ADAMTS20: variants seen among roughly 807,000 people sequenced by gnomAD.
ADAMTS20 encodes the protein ADAM metallopeptidase with thrombospondin type 1 motif 20, also known as A disintegrin and metalloproteinase with thrombospondin motifs 20.
ADAMTS20 carries 225 observed loss-of-function variants against 260.1 expected under a neutral mutation model. That is an observed-to-expected ratio of 0.87 (90% CI 0.78 to 0.97). ADAMTS20 has a LOEUF of 0.97. ADAMTS20 is among the 50% of genes least tolerant of loss of function. ADAMTS20 has a pLI of 0.00. For synonymous variants in ADAMTS20, 802 were observed against 769.5 expected (o/e 1.04, Z -0.70); for missense variants, 2,400 against 2,337.7 (o/e 1.03, Z -0.55).
intron 19 of ADAMTS20, chr12:43,433,689 C>A: frequency 2.8e-6 from 1 of 352,144 alleles, no homozygotes; most frequent in Non-Finnish European, 5.3e-6. Flanking sequence ...CGCACACACA[C>A]ACATGCACAC....
rs1941295536 is a variant in ADAMTS20 at position 43,424,617 on chromosome 12, G to T, written c.4284+897C>A. The stretch of plus-strand genomic sequence containing the variant: ...ACTATTTGGTTTTTGGAGCAGTTAT[G>T]GATATTAACAGATGAAAGCCACACA... On this transcript the variant is annotated intron_variant, in intron 28 of 38. Transcript: ENST00000389420. Among the ~76,000 whole-genome samples the T allele has an allele frequency of 2.6e-5, 4 of 152,006 alleles. 1 individual carries two copies. The South Asian group carries it at 8.3e-4, about 31-fold the overall frequency.
chr12:43,463,485 A>G (rs1408452051), intron 10 of ADAMTS20, among the ~76,000 whole-genome samples: 7 of 152,160 alleles, frequency 4.6e-5, no homozygotes, highest in Admixed American at 4.6e-4. Context: ...AAGGTTTCGA[A>G]AGAAACAAAA....
chr12:43,453,659 A>C (rs778387787), intron 12 of ADAMTS20, among the ~76,000 whole-genome samples: 8 of 152,166 alleles, frequency 5.3e-5, no homozygotes, highest in Non-Finnish European at 1.2e-4. Flanking sequence ...TTTATACTAA[A>C]TTAAAAAACA....
chr12:43,539,944 A>G, intron 2 of ADAMTS20, among the ~76,000 whole-genome samples: 1 of 150,694 alleles, frequency 6.6e-6, no homozygotes, highest in East Asian at 2.0e-4. Flanking sequence ...GTGCAGTGGC[A>G]CGATCTCAGC....
chr12:43,537,260 G>A (rs1309576729), intron 2 of ADAMTS20, among the ~76,000 whole-genome samples: 1 of 151,302 alleles, frequency 6.6e-6, no homozygotes, highest in Non-Finnish European at 1.5e-5. Context: ...TCACTATGTT[G>A]CCCAGGCTGG....
chr12:43,467,589 C>T (rs1368545194), intron 8 of ADAMTS20, among the ~76,000 whole-genome samples: 1 of 152,008 alleles, frequency 6.6e-6, no homozygotes, highest in Non-Finnish European at 1.5e-5. Context: ...CTGCAAAAAT[C>T]GTCTTCTACT....
At chr12:43,527,803 C>T (rs1350512752) in intron 3 of ADAMTS20, among the ~76,000 whole-genome samples, 3 of 152,022 alleles carry the variant, frequency 2.0e-5, no homozygotes, top group South Asian at 2.1e-4. Flanking sequence ...ACTTTTACCA[C>T]TTCTACTCAA....
At chr12:43,399,961 G>T (rs1210198214) in intron 28 of ADAMTS20, among the ~76,000 whole-genome samples, 2 of 151,856 alleles carry the variant, frequency 1.3e-5, no homozygotes, top group African/African-American at 4.8e-5. Flanking sequence ...CTTATAGCTG[G>T]GTGACTTTAG....
At position 43,443,884 on chromosome 12, in the gene ADAMTS20, C is replaced by T; in HGVS notation, c.2198-1G>A. On this transcript the variant is annotated splice_acceptor_variant, in intron 15 of 38. Transcript: ENST00000389420. LOFTEE classifies it high-confidence loss of function. ...GGAATCTTTACAACAACATTATAACCTGCAATATAATTTTACATATGTTAA... is the reference window on the plus strand; with the variant it reads ...GGAATCTTTACAACAACATTATAACTTGCAATATAATTTTACATATGTTAA... 1.9e-6 allele frequency: 3 copies of T among 1,611,172 alleles called. No homozygotes were observed. Among genetic ancestry groups the T allele is most frequent in the Non-Finnish European group, 2.5e-6 (3 of 1,177,758 alleles).
intron 11 of ADAMTS20, among the ~76,000 whole-genome samples, chr12:43,454,960 T>C (rs1468299683): frequency 6.6e-6 from 1 of 152,208 alleles, no homozygotes; most frequent in African/African-American, 2.4e-5. Flanking sequence ...AGTTCAATAG[T>C]GTTAGGTATA....
At chr12:43,455,528 C>T (rs1361118856) in intron 11 of ADAMTS20, among the ~76,000 whole-genome samples, 2 of 152,096 alleles carry the variant, frequency 1.3e-5, no homozygotes, top group Non-Finnish European at 2.9e-5. Flanking sequence ...ATTAAACCCA[C>T]CGGTGAGGGA....
intron 3 of ADAMTS20, among the ~76,000 whole-genome samples, chr12:43,528,735 A>G (rs1943181429): frequency 6.6e-6 from 1 of 152,106 alleles, no homozygotes; most frequent in African/African-American, 2.4e-5. Flanking sequence ...ACTCTTCTGG[A>G]CATTGGCCTA....
chr12:43,367,687 C>T (rs1034991189), intron 37 of ADAMTS20, among the ~76,000 whole-genome samples: 2 of 151,890 alleles, frequency 1.3e-5, no homozygotes, highest in African/African-American at 2.4e-5. Context: ...AGATGTAGTC[C>T]GCACAATAAA....
Position 43,376,037 on chromosome 12 carries a change from G to A in ADAMTS20, c.5312+20C>T. On this transcript the variant is annotated intron_variant, in intron 35 of 38. Coordinates refer to ENST00000389420, the MANE Select transcript of ADAMTS20 (RefSeq NM_025003.5). ...GGAGGACCATGAAAATGCTCAGATAGACCAAAACACATCTCGTACCTAAAG... is the reference window on the plus strand; with the variant it reads ...GGAGGACCATGAAAATGCTCAGATAAACCAAAACACATCTCGTACCTAAAG... 1 of 1,572,156 alleles carries A rather than the reference G, an allele frequency of 6.4e-7. No individual in the cohort carries two copies. The highest frequency in any genetic ancestry group is 8.6e-7 in the Non-Finnish European group (1 of 1,157,822).
At chr12:43,421,000 G>T (rs1941222351) in intron 28 of ADAMTS20, among the ~76,000 whole-genome samples, 4 of 150,692 alleles carry the variant, frequency 2.7e-5, no homozygotes, top group South Asian at 2.1e-4. Context: ...TAGAGACGGG[G>T]GTTTCACCAT....
chr12:43,404,220 A>C (rs556379530), intron 28 of ADAMTS20, among the ~76,000 whole-genome samples: 65 of 117,070 alleles, frequency 5.6e-4, no homozygotes, highest in African/African-American at 1.8e-3. Context: ...CACACACACA[A>C]ATAGAAAGCA....
chr12:43,503,471 TAAGA>T lies in ADAMTS20; in HGVS notation c.614-1070_614-1067del, dbSNP rs914584807. 7.2e-5 allele frequency among the ~76,000 whole-genome samples: 11 copies of T among 152,142 alleles called. 1 individual carries two copies. Among genetic ancestry groups the T allele is most frequent in the African/African-American group, 9.6e-5 (4 of 41,452 alleles). On this transcript the variant is annotated intron_variant, in intron 3 of 38. Coordinates refer to ENST00000389420, the MANE Select transcript of ADAMTS20 (RefSeq NM_025003.5). ...AAGTACGAATGTAATCCTATGGCTG[TAAGA>T]AAGAAACAGAACACTTTAGACATTA...
chr12:43,387,062 G>T (rs1399098960), intron 29 of ADAMTS20, among the ~76,000 whole-genome samples: 1 of 152,178 alleles, frequency 6.6e-6, no homozygotes, highest in African/African-American at 2.4e-5. Context: ...TGCAGGAGAA[G>T]AGGCATTCTG....
intron 38 of ADAMTS20, among the ~76,000 whole-genome samples, chr12:43,355,351 A>G (rs1939722305): frequency 6.6e-6 from 1 of 152,204 alleles, no homozygotes; most frequent in Non-Finnish European, 1.5e-5. Flanking sequence ...GGATTTTACC[A>G]GTCAGTTTCA....
Sources: allele counts gnomAD v4.1 joint callset (sites outside exome capture counted in the v4.1 genomes callset), GRCh38; gene constraint gnomAD v4.1.1; transcripts MANE v1.5; gene names NCBI Gene and HGNC (gene_info 2026-07-23, HGNC 2026-07-21).